The following HEMK2 variants were observed in gnomAD, a reference collection of about 807,000 sequenced individuals.
The protein encoded by HEMK2 is HemK methyltransferase 2, ETF1 glutamine and histone H4 lysine.
At chr21:28,638,536 T>C in the HEMK2 span, among the ~76,000 whole-genome samples, 1 of 152,160 alleles carries the variant, frequency 6.6e-6, no homozygotes, top group Non-Finnish European at 1.5e-5. Flanking sequence ...ACATGTCTGA[T>C]TTTGTTTTTA....
At chr21:28,732,020 G>A in the HEMK2 span, among the ~76,000 whole-genome samples, 119 of 152,326 alleles carry the variant, frequency 7.8e-4, no homozygotes, top group South Asian at 0.01. Flanking sequence ...TCGGAAAAGC[G>A]TTGCTTTGAA....
chr21:28,721,407 G>GC, the HEMK2 span, among the ~76,000 whole-genome samples: 1 of 152,024 alleles, frequency 6.6e-6, no homozygotes, highest in Non-Finnish European at 1.5e-5. Flanking sequence ...GAGCCACCAC[G>GC]CCCAGCATGA....
chr21:28,853,223 T>C, the HEMK2 span, among the ~76,000 whole-genome samples: 1 of 152,190 alleles, frequency 6.6e-6, no homozygotes, highest in Admixed American at 6.5e-5. Context: ...TCCCTTTCTT[T>C]ACATTAAACC....
At chr21:28,789,349 A>G in the HEMK2 span, among the ~76,000 whole-genome samples, 1,520 of 152,238 alleles carry the variant, frequency 1.0e-2, 22 homozygotes, top group African/African-American at 0.035. Context: ...ATAGCTCTCA[A>G]TTGTGGAAAG....
chr21:28,619,555 G>A, the HEMK2 span, among the ~76,000 whole-genome samples: 1 of 152,054 alleles, frequency 6.6e-6, no homozygotes, highest in Non-Finnish European at 1.5e-5. Context: ...AAAATAAACT[G>A]GTAAAACAGC....
the HEMK2 span, chr21:28,885,304 C>T: frequency 6.3e-7 from 1 of 1,588,674 alleles, no homozygotes; most frequent in East Asian, 2.3e-5. Flanking sequence ...CGCCGCGGCC[C>T]ACGTGCCCGT....
the HEMK2 span, among the ~76,000 whole-genome samples, chr21:28,668,818 T>C: frequency 6.6e-6 from 1 of 152,300 alleles, no homozygotes; most frequent in South Asian, 2.1e-4. Flanking sequence ...TGTTAAAAAG[T>C]ATAAATGACC....
At chr21:28,680,581 G>A in the HEMK2 span, among the ~76,000 whole-genome samples, 3 of 152,054 alleles carry the variant, frequency 2.0e-5, no homozygotes, top group East Asian at 1.9e-4. Context: ...TACCAAAGCC[G>A]GGCAGAGACA....
At chr21:28,784,754 T>C in the HEMK2 span, among the ~76,000 whole-genome samples, 308 of 152,112 alleles carry the variant, frequency 2.0e-3, 5 homozygotes, top group Admixed American at 0.017. Flanking sequence ...ACCAATCAGC[T>C]CTCTGTAAAA....
At chr21:28,720,844 C>A in the HEMK2 span, among the ~76,000 whole-genome samples, 1 of 152,216 alleles carries the variant, frequency 6.6e-6, no homozygotes, top group Non-Finnish European at 1.5e-5. Flanking sequence ...TGGAGAAACA[C>A]CAGACAAACT....
the HEMK2 span, among the ~76,000 whole-genome samples, chr21:28,645,929 C>T: frequency 6.6e-6 from 1 of 152,118 alleles, no homozygotes; most frequent in Admixed American, 6.5e-5. Context: ...TATCACAGCC[C>T]AAAAGGACCA....
the HEMK2 span, among the ~76,000 whole-genome samples, chr21:28,625,507 A>G: frequency 6.6e-6 from 1 of 152,046 alleles, no homozygotes; most frequent in African/African-American, 2.4e-5. Context: ...ATCACTTGAC[A>G]TCAGGAGTTC....
the HEMK2 span, among the ~76,000 whole-genome samples, chr21:28,763,497 C>T: frequency 1.3e-5 from 2 of 152,186 alleles, no homozygotes; most frequent in Non-Finnish European, 1.5e-5. Flanking sequence ...TCAGACCCCA[C>T]GATCCAGCGA....
chr21:28,612,520 A>G, the HEMK2 span, among the ~76,000 whole-genome samples: 89 of 152,320 alleles, frequency 5.8e-4, no homozygotes, highest in Non-Finnish European at 1.1e-3. Context: ...TGAGAACTGG[A>G]ACAAGGCAAG....
At chr21:28,882,917 A>T in the HEMK2 span, 2 of 1,121,196 alleles carry the variant, frequency 1.8e-6, no homozygotes, top group Non-Finnish European at 1.3e-6. Flanking sequence ...TCTCTTTAAA[A>T]ATTATTTCAT....
At chr21:28,790,308 C>G in the HEMK2 span, among the ~76,000 whole-genome samples, 1 of 152,124 alleles carries the variant, frequency 6.6e-6, no homozygotes, top group African/African-American at 2.4e-5. Context: ...ACACATCAAA[C>G]TGCTATTTGG....
chr21:28,778,551 T>C, the HEMK2 span, among the ~76,000 whole-genome samples: 1 of 152,188 alleles, frequency 6.6e-6, no homozygotes, highest in Admixed American at 6.5e-5. Flanking sequence ...CCACCAGCTA[T>C]GTAGAAGTGG....
chr21:28,776,443 C>A, the HEMK2 span, among the ~76,000 whole-genome samples: 1 of 152,106 alleles, frequency 6.6e-6, no homozygotes, highest in African/African-American at 2.4e-5. Context: ...TGAGAGAGGC[C>A]CACGCAAGTG....
the HEMK2 span, among the ~76,000 whole-genome samples, chr21:28,600,288 CA>C: frequency 9.2e-5 from 14 of 152,252 alleles, no homozygotes; most frequent in Non-Finnish European, 2.1e-4. Flanking sequence ...GAAATCTAGG[CA>C]GAGGTTCCCA....
Sources: gnomAD v4.1 joint callset for allele counts (sites outside exome capture counted in the v4.1 genomes callset) on GRCh38, gnomAD v4.1.1 for gene constraint, MANE v1.5 for transcripts, NCBI Gene and HGNC (gene_info 2026-07-23, HGNC 2026-07-21) for gene names.